Variants in PTK2B observed in about 807,000 individuals in gnomAD.
PTK2B encodes protein-tyrosine kinase 2-beta.
Under a neutral mutation model 142.9 loss-of-function variants are expected in PTK2B, and 71 were observed. The ratio of observed to expected loss-of-function variants is 0.50; its 90% CI spans 0.41 to 0.61. The LOEUF is 0.61. Ranked by LOEUF, PTK2B falls within the 20% of genes least tolerant of loss-of-function variation. The probability of loss-of-function intolerance (pLI) is 0.00; values close to 1 mark genes in which losing one functional copy is unlikely to be tolerated. For missense variants in PTK2B, 1,105 were observed against 1,320.4 expected, an observed-to-expected ratio of 0.84 and a Z score of 2.53; for synonymous variants, 519 against 503.4, an observed-to-expected ratio of 1.03 and a Z score of -0.42.
intron 1 of PTK2B, among the ~76,000 whole-genome samples, chr8:27,331,161 C>T (rs1803724576): frequency 6.6e-6 from 1 of 152,150 alleles, no homozygotes; most frequent in Non-Finnish European, 1.5e-5. Context: ...TAATTCACAT[C>T]TCCTGCATTT....
At chr8:27,389,300 G>A (rs1807566198) in intron 1 of PTK2B, among the ~76,000 whole-genome samples, 1 of 152,060 alleles carries the variant, frequency 6.6e-6, no homozygotes, top group African/African-American at 2.4e-5. Context: ...AGGGAAGGAA[G>A]GAAAGAAGGA....
Position 27,436,332 on chromosome 8 carries a change from G to T in PTK2B, c.1325G>T (p.Gly442Val). The T allele has an allele frequency of 6.2e-7, 1 of 1,613,544 alleles. No homozygotes were observed. Among genetic ancestry groups the T allele is most frequent in the Non-Finnish European group, 8.5e-7 (1 of 1,179,474 alleles). ...GGCTTTTTTGGGGAGGTCTATGAAG[G>T]TGTCTACACAAATCACGTGAGTTCT... ...GEGFFGEVYE[G>V]VYTNHKGEKI... The change falls in exon 15 of 31, where the codon GGT (glycine) becomes GTT (valine). Residue 442 changes from glycine (G) to valine (V), a missense_variant. Transcript: ENST00000346049.
chr8:27,430,531 G>A (rs533846647), intron 7 of PTK2B, 113 bp downstream of exon 7: 11 of 1,403,856 alleles, frequency 7.8e-6, no homozygotes, highest in South Asian at 3.6e-5. Context: ...GCGCGGCCTC[G>A]GGCATTTGGA....
At chr8:27,388,068 G>A (rs1807481115) in intron 1 of PTK2B, among the ~76,000 whole-genome samples, 1 of 152,174 alleles carries the variant, frequency 6.6e-6, no homozygotes, top group Non-Finnish European at 1.5e-5. Flanking sequence ...TGCCATCCAG[G>A]TTAATGCAGA....
At chr8:27,445,752 G>T (rs376157720) in intron 23 of PTK2B, 42 bp from the exon 24 acceptor site, 4 of 1,609,728 alleles carry the variant, frequency 2.5e-6, no homozygotes, top group Admixed American at 1.7e-5. Flanking sequence ...CTACCTTCTC[G>T]CTTTGTCCCG....
intron 3 of PTK2B, among the ~76,000 whole-genome samples, chr8:27,316,574 C>G (rs1225102226): frequency 6.6e-5 from 10 of 152,224 alleles, no homozygotes; most frequent in African/African-American, 2.4e-4. Context: ...AAGTCAGCCA[C>G]AGGGCTGGCA....
At chr8:27,419,487 T>C (rs11985876) in intron 2 of PTK2B, among the ~76,000 whole-genome samples, 2,136 of 152,318 alleles carry the variant, frequency 0.014, 55 homozygotes, top group African/African-American at 0.048. Flanking sequence ...TGAAATCATG[T>C]CTGCAAAGGG....
chr8:27,444,066 G>C (rs1288900183), intron 22 of PTK2B, 140 bp from the exon 23 acceptor site: 1 of 841,926 alleles, frequency 1.2e-6, no homozygotes, highest in African/African-American at 1.7e-5. Flanking sequence ...GATGCAAAAT[G>C]AGTTTCATGA....
chr8:27,396,527 C>T (rs1808062200), intron 1 of PTK2B, among the ~76,000 whole-genome samples: 1 of 152,246 alleles, frequency 6.6e-6, no homozygotes, highest in Non-Finnish European at 1.5e-5. Context: ...TATGTCAATG[C>T]TCAGCCCAGA....
At chr8:27,317,400 G>A (rs1803117712) in intron 3 of PTK2B, among the ~76,000 whole-genome samples, 2 of 152,128 alleles carry the variant, frequency 1.3e-5, no homozygotes, top group Admixed American at 1.3e-4. Context: ...CAGTGACCTA[G>A]GCAATATTAT....
Position 27,451,487 on chromosome 8 carries a change from G to A in PTK2B, c.2526G>A (p.Thr842=), listed in dbSNP as rs745688041. 5.0e-6 allele frequency: 8 copies of A among 1,614,072 alleles called. No individual in the cohort carries two copies. The highest frequency in any genetic ancestry group is 4.5e-5 in the East Asian group (2 of 44,874). The change falls in exon 27 of 31, where the codon ACG becomes ACA. Residue 842 remains threonine (T), a splice_region_variant and synonymous_variant. Coordinates refer to ENST00000346049, the MANE Select transcript of PTK2B (RefSeq NM_173176.3). ...MVYMNDKSPL[T]PEKEVGYLEF... ...GTTCTCTTTCCTCCTTCCTCCAGAC[G>A]CCAGAGAAGGAGGTCGGCTACCGTG...
intron 1 of PTK2B, among the ~76,000 whole-genome samples, chr8:27,364,252 C>T (rs1371305975): frequency 6.6e-6 from 1 of 152,202 alleles, no homozygotes; most frequent in African/African-American, 2.4e-5. Context: ...CCTCAGGCAG[C>T]TCAGAGAATG....
At chr8:27,395,421 T>C (rs992571975) in intron 1 of PTK2B, among the ~76,000 whole-genome samples, 6 of 152,210 alleles carry the variant, frequency 3.9e-5, no homozygotes, top group Non-Finnish European at 8.8e-5. Context: ...GTGAGTATAT[T>C]TGCCTGTTGT....
chr8:27,425,847 G>C (rs770272716), intron 5 of PTK2B, among the ~76,000 whole-genome samples: 2 of 152,122 alleles, frequency 1.3e-5, no homozygotes, highest in Non-Finnish European at 2.9e-5. Flanking sequence ...GCCTTTTCCA[G>C]AATCTCATAT....
At position 27,458,433 on chromosome 8, in the gene PTK2B, T is replaced by C. The variant is rs1202534798; in HGVS notation, c.2954T>C (p.Val985Ala). ...CTGACGGCTTCACACACCCTGGCTG[T>C]GGACGCCAAGAACCTGCTCGACGCT... is the stretch of plus-strand genomic sequence containing the variant. ...QMLTASHTLA[V>A]DAKNLLDAVD... Residue 985 changes from valine to alanine, a missense_variant, in exon 31 of 31, where the codon GTG (valine) becomes GCG (alanine). Coordinates refer to ENST00000346049, the MANE Select transcript of PTK2B (RefSeq NM_173176.3). 1.2e-6 allele frequency: 2 copies of C among 1,610,708 alleles called. No individual in the cohort carries two copies. The highest frequency in any genetic ancestry group is 1.7e-6 in the Non-Finnish European group (2 of 1,178,512).
chr8:27,425,426 CTTT>C (rs1278433630), intron 5 of PTK2B, among the ~76,000 whole-genome samples: 1 of 152,058 alleles, frequency 6.6e-6, no homozygotes. Context: ...CTTTACCCTT[CTTT>C]TGTTTGTTTA....
intron 1 of PTK2B, among the ~76,000 whole-genome samples, chr8:27,378,629 GT>G (rs1806821257): frequency 6.8e-6 from 1 of 148,060 alleles, no homozygotes; most frequent in African/African-American, 2.6e-5. Context: ...GTGTGTGTGT[GT>G]GTGTGTGTGT....
chr8:27,445,188 A>G (rs1811388900), intron 23 of PTK2B, among the ~76,000 whole-genome samples: 1 of 152,196 alleles, frequency 6.6e-6, no homozygotes, highest in South Asian at 2.1e-4. Context: ...TGGGCAATAT[A>G]GTGAGACCCC....
At chr8:27,430,619 G>A (rs745312535) in intron 7 of PTK2B, among the ~76,000 whole-genome samples, 3 of 152,156 alleles carry the variant, frequency 2.0e-5, no homozygotes, top group Non-Finnish European at 4.4e-5. Context: ...CTCCGGCTCC[G>A]TATCGAGGCC....
Sources: gnomAD v4.1 joint callset for allele counts (sites outside exome capture counted in the v4.1 genomes callset) on GRCh38, gnomAD v4.1.1 for gene constraint, MANE v1.5 for transcripts, NCBI Gene and HGNC (gene_info 2026-07-23, HGNC 2026-07-21) for gene names.